Variants in CELF4 observed in about 807,000 individuals in gnomAD.
CELF4 encodes the protein CUG-BP- and ETR-3-like factor 4.
CELF4 carries 18 observed loss-of-function variants against 59.9 expected under a neutral mutation model. The ratio of observed to expected loss-of-function variants is 0.30; its 90% CI spans 0.21 to 0.45. The LOEUF is 0.45. Ranked by LOEUF, CELF4 falls within the 20% of genes least tolerant of loss-of-function variation. CELF4 has a pLI of 1.00. For synonymous variants in CELF4, 261 were observed against 267.1 expected, an observed-to-expected ratio of 0.98 and a Z score of 0.22; for missense variants, 456 against 689.0, an observed-to-expected ratio of 0.66 and a Z score of 3.79.
At chr18:37,513,208 G>T (rs1011932671) in intron 1 of CELF4, among the ~76,000 whole-genome samples, 3 of 152,182 alleles carry the variant, frequency 2.0e-5, no homozygotes, top group Non-Finnish European at 2.9e-5. Context: ...AATATGGGTC[G>T]CTTTGTCTTC....
chr18:37,509,129 A>G (rs142754346), intron 1 of CELF4, among the ~76,000 whole-genome samples: 16 of 145,694 alleles, frequency 1.1e-4, no homozygotes, highest in Non-Finnish European at 2.4e-4. Flanking sequence ...AATCACTTGT[A>G]CAAAAATTAA....
At position 37,253,806 on chromosome 18, in the gene CELF4, G is replaced by A. The variant is rs1294588553; in HGVS notation, c.*5C>T. On this transcript the variant is annotated 3_prime_UTR_variant, in exon 12 of 13. Transcript: ENST00000420428. The surrounding 1 kb of genome is among the most constrained non-coding windows in gnomAD (Gnocchi z 4.5). ...GTCTCCCCCGGGGGACGCTCCCGCC[G>A]GCGCTCAGTACGGGCGATTGGCGTC... 1.3e-6 allele frequency: 2 copies of A among 1,594,850 alleles called. No homozygotes were observed. Among genetic ancestry groups the A allele is most frequent in the Admixed American group, 1.7e-5 (1 of 59,048 alleles).
intron 2 of CELF4, among the ~76,000 whole-genome samples, chr18:37,404,233 C>G (rs1310981026): frequency 6.6e-6 from 1 of 152,198 alleles, no homozygotes; most frequent in African/African-American, 2.4e-5. Flanking sequence ...CCCCCAACCC[C>G]TGAAGCTCCT....
chr18:37,491,705 G>A (rs763192585), intron 1 of CELF4, among the ~76,000 whole-genome samples: 4 of 152,190 alleles, frequency 2.6e-5, no homozygotes, highest in Admixed American at 1.3e-4. Flanking sequence ...GGCAGGCAGC[G>A]TGGGCAGCGG....
chr18:37,513,859 C>A (rs1044075279), intron 1 of CELF4, among the ~76,000 whole-genome samples: 7 of 152,158 alleles, frequency 4.6e-5, no homozygotes, highest in Non-Finnish European at 7.4e-5. Flanking sequence ...CCAGCAGTTA[C>A]AGTCCTAACT....
chr18:37,476,837 G>A (rs750129369), intron 2 of CELF4, among the ~76,000 whole-genome samples: 18 of 144,026 alleles, frequency 1.2e-4, no homozygotes, highest in Non-Finnish European at 2.2e-4. Context: ...TCACATTCTC[G>A]CTCCGGTGGA....
intron 2 of CELF4, among the ~76,000 whole-genome samples, chr18:37,334,242 G>A (rs1462772243): frequency 2.0e-5 from 3 of 152,124 alleles, no homozygotes; most frequent in Non-Finnish European, 4.4e-5. Flanking sequence ...TGGTACCAGC[G>A]CCCCACTGGG....
intron 3 of CELF4, chr18:37,275,668 C>T: frequency 5.4e-6 from 1 of 186,248 alleles, no homozygotes; most frequent in Non-Finnish European, 1.1e-5. Context: ...TCACAACTGG[C>T]GGGTCTGACT....
chr18:37,514,310 T>A (rs2099948126), intron 1 of CELF4, among the ~76,000 whole-genome samples: 1 of 152,088 alleles, frequency 6.6e-6, no homozygotes, highest in Non-Finnish European at 1.5e-5. Flanking sequence ...GGCATTACAA[T>A]GGGAACCAAA....
chr18:37,439,426 T>A (rs1490249289), intron 2 of CELF4, among the ~76,000 whole-genome samples: 1 of 152,186 alleles, frequency 6.6e-6, no homozygotes, highest in Non-Finnish European at 1.5e-5. Context: ...CATGTGTGTG[T>A]GTGCATGTGT....
intron 2 of CELF4, among the ~76,000 whole-genome samples, chr18:37,444,823 G>A (rs758889504): frequency 6.6e-6 from 1 of 152,076 alleles, no homozygotes; most frequent in Non-Finnish European, 1.5e-5. Context: ...CCTCCCTCCC[G>A]GAGTAAGATT....
intron 2 of CELF4, among the ~76,000 whole-genome samples, chr18:37,478,126 C>G (rs545993757): frequency 1.3e-5 from 2 of 152,296 alleles, no homozygotes; most frequent in East Asian, 3.9e-4. Flanking sequence ...TCTCCTCTCC[C>G]TGTTGTCTTA....
intron 1 of CELF4, among the ~76,000 whole-genome samples, chr18:37,538,540 C>T (rs1358126785): frequency 1.3e-5 from 2 of 152,194 alleles, no homozygotes; most frequent in Admixed American, 1.3e-4. Flanking sequence ...TGTCTTTACC[C>T]AGAGCAGGCA....
chr18:37,349,551 T>A (rs2098393117), intron 2 of CELF4, among the ~76,000 whole-genome samples: 1 of 152,152 alleles, frequency 6.6e-6, no homozygotes, highest in Non-Finnish European at 1.5e-5. Flanking sequence ...AAAGACACAC[T>A]CATTTACTCC....
chr18:37,523,721 C>T (rs914956086), intron 1 of CELF4, among the ~76,000 whole-genome samples: 1 of 152,220 alleles, frequency 6.6e-6, no homozygotes, highest in Non-Finnish European at 1.5e-5. Context: ...GGCTTCCCAG[C>T]CCTTTATCTC....
At chr18:37,295,763 T>A (rs1256840325) in intron 3 of CELF4, among the ~76,000 whole-genome samples, 1 of 152,148 alleles carries the variant, frequency 6.6e-6, no homozygotes, top group Admixed American at 6.5e-5. Context: ...GTCTCCAACA[T>A]ACAGCATCCG....
intron 2 of CELF4, among the ~76,000 whole-genome samples, chr18:37,453,397 C>T (rs1448177736): frequency 1.3e-5 from 2 of 152,226 alleles, no homozygotes; most frequent in African/African-American, 4.8e-5. Context: ...CAGTAACTCT[C>T]AGGGTCACAT....
intron 2 of CELF4, among the ~76,000 whole-genome samples, chr18:37,460,855 G>A (rs540064917): frequency 2.0e-5 from 3 of 152,344 alleles, no homozygotes; most frequent in African/African-American, 7.2e-5. Flanking sequence ...CCAAGTAACA[G>A]CTGTGGGTTG....
At chr18:37,270,221 C>T (rs2090464194) in intron 8 of CELF4, among the ~76,000 whole-genome samples, 1 of 152,202 alleles carries the variant, frequency 6.6e-6, no homozygotes, top group African/African-American at 2.4e-5. Flanking sequence ...GTCCAAGGTG[C>T]TGGGCTGTCT....
Sources: gnomAD v4.1 joint callset for allele counts (sites outside exome capture counted in the v4.1 genomes callset) on GRCh38, gnomAD v4.1.1 for gene constraint, Gnocchi (gnomAD v3.1) non-coding constraint, MANE v1.5 for transcripts, NCBI Gene and HGNC (gene_info 2026-07-23, HGNC 2026-07-21) for gene names.